The following CAPN8 variants were observed in gnomAD, a reference collection of about 807,000 sequenced individuals.
CAPN8 encodes the protein calpain 8, also known as calpain-8.
A neutral mutation model predicts 80.9 loss-of-function variants in CAPN8; 87 were observed. That is an observed-to-expected ratio of 1.07 (90% CI 0.90 to 1.28). The LOEUF is 1.28. Among genes scored for constraint, CAPN8 ranks in the 50% most tolerant of loss-of-function variants. CAPN8 has a pLI of 0.00. For missense variants in CAPN8, 757 were observed against 702.0 expected, an observed-to-expected ratio of 1.08 and a Z score of -0.89; for synonymous variants, 299 against 273.8, an observed-to-expected ratio of 1.09 and a Z score of -0.91.
At chr1:223,656,235 G>A (rs1658485019) in intron 1 of CAPN8, among the ~76,000 whole-genome samples, 1 of 152,028 alleles carries the variant, frequency 6.6e-6, no homozygotes. Flanking sequence ...TTGGGAGGCT[G>A]AGGTGGGCGG....
At chr1:223,617,606 G>A (rs73119729) in intron 9 of CAPN8, 16,629 of 152,200 alleles carry the variant, frequency 0.11, 1,404 homozygotes, top group East Asian at 0.23. Context: ...TGCTAATGGT[G>A]AGCATATTTT....
chr1:223,625,087 C>T (rs138728636), intron 6 of CAPN8, among the ~76,000 whole-genome samples: 6,114 of 151,982 alleles, frequency 0.04, 328 homozygotes, highest in East Asian at 0.15. Flanking sequence ...AGCGAGACTC[C>T]GTCTCAAAAA....
intron 1 of CAPN8, among the ~76,000 whole-genome samples, chr1:223,656,682 T>TTG (rs1491196292): frequency 1.6e-4 from 7 of 44,730 alleles, no homozygotes; most frequent in Non-Finnish European, 2.3e-4. Context: ...TTTTGTTTTG[T>TTG]TTTTTTTTTT....
rs182149388 is a variant in CAPN8, at chr1:223,645,774, G to A, written c.307+8556C>T. On this transcript the variant is annotated intron_variant, in intron 2 of 20. Transcript: ENST00000366872. ...CCAAAGTAACAAGGTACTGGGTCAT[G>A]AAGCCTGGGAACACATCCCAGGGCT... Among the ~76,000 whole-genome samples, 13 of 152,322 alleles carry A rather than the reference G, an allele frequency of 8.5e-5. No homozygotes were observed. In the East Asian group the frequency reaches 2.5e-3, roughly 29 times the overall value.
At chr1:223,613,669 A>G (rs1354204439) in intron 10 of CAPN8, among the ~76,000 whole-genome samples, 2 of 152,272 alleles carry the variant, frequency 1.3e-5, no homozygotes, top group African/African-American at 4.8e-5. Context: ...CACTGCAGGA[A>G]GATAGAGGGG....
chr1:223,619,497 T>C lies in CAPN8; in HGVS notation c.975-44A>G, dbSNP rs542633423. 2.8e-4 allele frequency: 431 copies of C among 1,549,100 alleles called. 5 individuals are homozygous for C. The South Asian group carries it at 3.4e-3, about 12-fold the overall frequency. Reference sequence around the variant, plus strand: ...AGGGCTCTCAGTGAAGAGGGCTGGGTTGTGATTAAAGGCACGCATACTGAG... The same window carrying C: ...AGGGCTCTCAGTGAAGAGGGCTGGGCTGTGATTAAAGGCACGCATACTGAG... On this transcript the variant is annotated intron_variant, in intron 8 of 20. Coordinates refer to ENST00000366872, the MANE Select transcript of CAPN8 (RefSeq NM_001143962.2).
chr1:223,620,646 C>A (rs1364093989), intron 7 of CAPN8, among the ~76,000 whole-genome samples: 1 of 152,194 alleles, frequency 6.6e-6, no homozygotes, highest in African/African-American at 2.4e-5. Flanking sequence ...GAAAGGCAGG[C>A]ACTCCAGTAC....
chr1:223,558,258 G>A (rs1226449453), intron 12 of CAPN8, 91 bp from the exon 13 acceptor site: 8 of 397,452 alleles, frequency 2.0e-5, no homozygotes, highest in Non-Finnish European at 3.1e-5. Context: ...CGACCCTCCT[G>A]AGAGATTGGG....
At chr1:223,661,414 G>C (rs2102741380) in intron 1 of CAPN8, among the ~76,000 whole-genome samples, 1 of 152,258 alleles carries the variant, frequency 6.6e-6, no homozygotes, top group South Asian at 2.1e-4. Flanking sequence ...CAGATCAACT[G>C]AGGTCAGGAG....
intron 3 of CAPN8, 139 bp from the exon 4 acceptor site, chr1:223,628,281 T>C (rs1657660392): frequency 4.0e-6 from 4 of 1,007,684 alleles, no homozygotes; most frequent in Non-Finnish European, 5.6e-6. Flanking sequence ...TGTGTCTGCC[T>C]TATCTGTGCA....
chr1:223,619,807 T>C (rs577267674), intron 8 of CAPN8, among the ~76,000 whole-genome samples: 1 of 152,340 alleles, frequency 6.6e-6, no homozygotes, highest in East Asian at 1.9e-4. Flanking sequence ...TTCGGAGTGA[T>C]GTCCAGCTAA....
intron 1 of CAPN8, among the ~76,000 whole-genome samples, chr1:223,661,065 C>T (rs1658631465): frequency 6.6e-6 from 1 of 151,392 alleles, no homozygotes; most frequent in African/African-American, 2.4e-5. Context: ...ACTTGGGAGG[C>T]TGGGACACGA....
chr1:223,545,053 A>G lies in CAPN8; in HGVS notation c.1833+178T>C, dbSNP rs2102686421. 31 of 1,388,504 alleles carry G rather than the reference A, an allele frequency of 2.2e-5. No individual in the cohort carries two copies. In the South Asian group the frequency reaches 3.9e-4, roughly 18 times the overall value. 86.0% of individuals were successfully genotyped at this position (1,388,504 alleles called of 1,614,324 possible). A position where few individuals can be genotyped will look rare whatever the true frequency, so the allele number is the denominator to read the frequency against. On this transcript the variant is annotated intron_variant, in intron 17 of 20. Coordinates refer to ENST00000366872, the MANE Select transcript of CAPN8 (RefSeq NM_001143962.2). ...TTGCTGTCTGAACAGCAGGGCTTTC[A>G]GGGCAGTGGTTGGCATGAGAGTCTC...
Position 223,550,940 on chromosome 1 carries a change from G to A in CAPN8, c.1699+20C>T. Reference sequence around the variant, plus strand: ...AGCATCTCCTACGGACTTTCTGAAAGACCCCAAGAAGGAACTTACTCTTGG... The same window carrying A: ...AGCATCTCCTACGGACTTTCTGAAAAACCCCAAGAAGGAACTTACTCTTGG... On this transcript the variant is annotated intron_variant, in intron 15 of 20. Transcript: ENST00000366872. 2 of 717,358 alleles carry A rather than the reference G, an allele frequency of 2.8e-6. No homozygotes were observed. Among genetic ancestry groups the A allele is most frequent in the South Asian group, 1.5e-5 (1 of 67,476 alleles). 44.4% of individuals were successfully genotyped at this position (717,358 alleles called of 1,614,324 possible). A position where few individuals can be genotyped will look rare whatever the true frequency, so the allele number is the denominator to read the frequency against.
rs1306531527 is a variant in CAPN8, at chr1:223,628,076, G to A, written c.493C>T (p.Leu165=). The change falls in exon 4 of 21, where the codon CTG becomes TTG. Residue 165 remains leucine (L), a synonymous_variant. Transcript: ENST00000366872. The part of the protein sequence containing the change: ...DDRLPTKNGQ[L]LFLHSEQGNE... ...CCTTGTTCCGAGTGTAGGAAGAGCA[G>A]CTGTCCATTCTTGGTGGGCAGCCTG... is the stretch of plus-strand genomic sequence containing the variant. 2 of 1,551,336 alleles carry A rather than the reference G, an allele frequency of 1.3e-6. No individual in the cohort carries two copies. The highest frequency in any genetic ancestry group is 3.9e-5 in the Admixed American group (2 of 50,970).
intron 4 of CAPN8, 51 bp from the exon 5 acceptor site, chr1:223,627,208 C>G: frequency 1.3e-6 from 2 of 1,537,724 alleles, no homozygotes; most frequent in Non-Finnish European, 1.8e-6. Flanking sequence ...AGCAAGGAGA[C>G]CCGGGGATTG....
chr1:223,639,309 A>T (rs1387185181), intron 2 of CAPN8, among the ~76,000 whole-genome samples: 1 of 152,238 alleles, frequency 6.6e-6, no homozygotes, highest in East Asian at 1.9e-4. Flanking sequence ...AAGTTCCTAG[A>T]AAATGCAGAT....
At position 223,655,953 on chromosome 1, in the gene CAPN8, T is replaced by C. The variant is rs952197027; in HGVS notation, c.238-1554A>G. ...AGAGAATCATTTCATTCTTACTTCA[T>C]AGAGGTGAAGAAAGGGCAGATCAGA... On this transcript the variant is annotated intron_variant, in intron 1 of 20. Coordinates refer to ENST00000366872, the MANE Select transcript of CAPN8 (RefSeq NM_001143962.2). 6.6e-5 allele frequency among the ~76,000 whole-genome samples: 10 copies of C among 151,960 alleles called. No homozygotes were observed. In the East Asian group the frequency reaches 7.7e-4, roughly 12 times the overall value.
chr1:223,551,902 A>G (rs1202394194), intron 14 of CAPN8, among the ~76,000 whole-genome samples: 2 of 152,152 alleles, frequency 1.3e-5, no homozygotes, highest in African/African-American at 4.8e-5. Context: ...TTGGTATTTC[A>G]CATAGGAGCC....
Sources: gnomAD v4.1 joint callset for allele counts (sites outside exome capture counted in the v4.1 genomes callset) on GRCh38, gnomAD v4.1.1 for gene constraint, MANE v1.5 for transcripts, NCBI Gene and HGNC (gene_info 2026-07-23, HGNC 2026-07-21) for gene names.